TCF7L2: variants seen among roughly 807,000 people sequenced by gnomAD.
TCF7L2 encodes the protein transcription factor 7-like 2.
TCF7L2 carries 23 observed loss-of-function variants against 77.9 expected under a neutral mutation model. The ratio of observed to expected loss-of-function variants is 0.30; its 90% CI spans 0.21 to 0.42. The LOEUF is 0.42. Among genes scored for constraint, TCF7L2 ranks in the 10% least tolerant of loss-of-function variants. The pLI is 1.00. For synonymous variants in TCF7L2, 413 were observed against 340.2 expected (o/e 1.21, Z -2.36); for missense variants, 654 against 793.1 (o/e 0.82, Z 2.11).
intron 11 of TCF7L2, 196 bp from the exon 12 acceptor site, chr10:113,157,825 T>C (rs2072281568): frequency 1.8e-6 from 1 of 557,530 alleles, no homozygotes; most frequent in East Asian, 3.1e-5. Context: ...AAGAAGCGTG[T>C]GTCCCTCCAG....
chr10:113,042,192 C>A (rs1028135966), intron 5 of TCF7L2, among the ~76,000 whole-genome samples: 2 of 152,208 alleles, frequency 1.3e-5, no homozygotes, highest in African/African-American at 4.8e-5. Flanking sequence ...AACATTCCTT[C>A]CAGAGCCTGT....
At chr10:113,058,311 G>A (rs1216955111) in intron 5 of TCF7L2, among the ~76,000 whole-genome samples, 3 of 152,150 alleles carry the variant, frequency 2.0e-5, no homozygotes, top group Admixed American at 6.5e-5. Context: ...AGCAGGCTCT[G>A]AATGGGTCTG....
chr10:113,057,800 T>C (rs1441846497), intron 5 of TCF7L2, among the ~76,000 whole-genome samples: 1 of 152,148 alleles, frequency 6.6e-6, no homozygotes, highest in African/African-American at 2.4e-5. Flanking sequence ...TCAGTGGTCA[T>C]TCAGTTCATA....
At chr10:113,063,216 T>A (rs187801462) in intron 5 of TCF7L2, among the ~76,000 whole-genome samples, 1 of 152,264 alleles carries the variant, frequency 6.6e-6, no homozygotes, top group East Asian at 1.9e-4. Flanking sequence ...CCTACATATG[T>A]CTTATATCCT....
At chr10:113,157,516 A>G (rs2072191552) in intron 11 of TCF7L2, among the ~76,000 whole-genome samples, 1 of 152,236 alleles carries the variant, frequency 6.6e-6, no homozygotes, top group Non-Finnish European at 1.5e-5. Context: ...GCCTCTGCTA[A>G]AGCTTTCATT....
intron 5 of TCF7L2, among the ~76,000 whole-genome samples, chr10:113,108,919 C>G (rs973071838): frequency 6.6e-6 from 1 of 152,160 alleles, no homozygotes; most frequent in Non-Finnish European, 1.5e-5. Flanking sequence ...GCACTCTGAT[C>G]TTAATTATAG....
chr10:113,157,025 G>T (rs985539509), intron 11 of TCF7L2, among the ~76,000 whole-genome samples: 1 of 152,268 alleles, frequency 6.6e-6, no homozygotes, highest in Non-Finnish European at 1.5e-5. Context: ...TTCATGGGAG[G>T]AGTGGTATCA....
At chr10:113,133,900 G>A (rs545688415) in intron 5 of TCF7L2, among the ~76,000 whole-genome samples, 47 of 152,284 alleles carry the variant, frequency 3.1e-4, no homozygotes, top group Non-Finnish European at 5.6e-4. Context: ...TGCAGCCTGC[G>A]GGGGTAGGTT....
intron 11 of TCF7L2, among the ~76,000 whole-genome samples, chr10:113,156,976 A>G (rs1267130604): frequency 6.6e-6 from 1 of 152,232 alleles, no homozygotes; most frequent in Non-Finnish European, 1.5e-5. Flanking sequence ...ACCTAGAATC[A>G]TGCCTGGCAC....
chr10:112,984,295 A>C (rs550279495), intron 4 of TCF7L2, among the ~76,000 whole-genome samples: 12 of 152,036 alleles, frequency 7.9e-5, no homozygotes, highest in Non-Finnish European at 1.6e-4. Context: ...GTGAATCAGA[A>C]AGCTATGTTT....
chr10:113,157,089 T>C (rs2072071817), intron 11 of TCF7L2, among the ~76,000 whole-genome samples: 1 of 152,242 alleles, frequency 6.6e-6, no homozygotes, highest in Admixed American at 6.5e-5. Context: ...TTCTTACAGA[T>C]GTCCACTCAG....
intron 4 of TCF7L2, among the ~76,000 whole-genome samples, chr10:113,013,461 A>G (rs2046804588): frequency 6.6e-6 from 1 of 152,196 alleles, no homozygotes; most frequent in South Asian, 2.1e-4. Flanking sequence ...TTTTAGGGAA[A>G]CAGAAGTTCT....
intron 4 of TCF7L2, among the ~76,000 whole-genome samples, chr10:112,971,691 C>T (rs546116714): frequency 6.6e-6 from 1 of 151,392 alleles, no homozygotes; most frequent in African/African-American, 2.4e-5. Context: ...CGGCTCACTG[C>T]AACCTCCGCT....
chr10:112,973,309 T>C (rs1255409367), intron 4 of TCF7L2, among the ~76,000 whole-genome samples: 3 of 152,308 alleles, frequency 2.0e-5, no homozygotes, highest in Non-Finnish European at 2.9e-5. Flanking sequence ...GGGCAAGGGT[T>C]CCCAGCTTGG....
At chr10:113,071,513 G>C (rs61736939) in intron 5 of TCF7L2, among the ~76,000 whole-genome samples, 1 of 152,048 alleles carries the variant, frequency 6.6e-6, no homozygotes, top group African/African-American at 2.4e-5. Flanking sequence ...TCCTTTTCTC[G>C]TCTTTATTCT....
chr10:112,994,346 C>G (rs1384474183), intron 4 of TCF7L2, among the ~76,000 whole-genome samples: 1 of 152,314 alleles, frequency 6.6e-6, no homozygotes, highest in East Asian at 1.9e-4. Flanking sequence ...TTGTGTCTGT[C>G]TGCTTTCACT....
intron 4 of TCF7L2, among the ~76,000 whole-genome samples, chr10:113,006,255 A>G (rs1481044618): frequency 6.6e-6 from 1 of 152,238 alleles, no homozygotes; most frequent in African/African-American, 2.4e-5. Flanking sequence ...AAAAGGGGAA[A>G]AGGGGCTAGA....
At chr10:112,964,531 G>A (rs367900664) in intron 3 of TCF7L2, 25 bp from the exon 4 acceptor site, 8 of 1,608,178 alleles carry the variant, frequency 5.0e-6, no homozygotes, top group South Asian at 2.2e-5. Flanking sequence ...TAAGCAGAAC[G>A]CTTTGATTTG....
intron 4 of TCF7L2, among the ~76,000 whole-genome samples, chr10:113,012,010 T>C (rs955573930): frequency 2.0e-5 from 3 of 152,222 alleles, no homozygotes; most frequent in South Asian, 4.1e-4. Flanking sequence ...TGAGCGTTAC[T>C]GCCTCGAGTA....
Sources: allele counts gnomAD v4.1 joint callset (sites outside exome capture counted in the v4.1 genomes callset), GRCh38; gene constraint gnomAD v4.1.1; transcripts MANE v1.5; gene names NCBI Gene and HGNC (gene_info 2026-07-23, HGNC 2026-07-21).